Variants in AKAP13 observed in about 807,000 individuals in gnomAD.
AKAP13 encodes A-kinase anchor protein 13.
AKAP13 carries 80 observed loss-of-function variants against 264.5 expected under a neutral mutation model. The observed-to-expected ratio is 0.30, with a 90% CI of 0.25 to 0.36. The LOEUF (loss-of-function observed/expected upper bound fraction) is 0.36, where lower values mean the gene tolerates loss of function less well. Ranked by LOEUF, AKAP13 falls within the 10% of genes least tolerant of loss-of-function variation. AKAP13 has a pLI of 1.00. For missense variants in AKAP13, 3,712 were observed against 3,435.2 expected (o/e 1.08, Z -2.01); for synonymous variants, 1,380 against 1,250.2 (o/e 1.10, Z -2.19).
At chr15:85,662,749 C>T (rs2083416883) in intron 12 of AKAP13, among the ~76,000 whole-genome samples, 1 of 152,162 alleles carries the variant, frequency 6.6e-6, no homozygotes, top group Admixed American at 6.5e-5. Flanking sequence ...CCTAAAAATT[C>T]TTGGAACCCG....
intron 5 of AKAP13, among the ~76,000 whole-genome samples, chr15:85,554,562 A>G (rs920059734): frequency 1.3e-5 from 2 of 151,988 alleles, no homozygotes; most frequent in Non-Finnish European, 2.9e-5. Context: ...CACTTACCCC[A>G]CAAGCAGGCT....
At chr15:85,723,714 T>G (rs1370294500) in intron 26 of AKAP13, among the ~76,000 whole-genome samples, 1 of 152,234 alleles carries the variant, frequency 6.6e-6, no homozygotes, top group Non-Finnish European at 1.5e-5. Flanking sequence ...TCAGCGAGTT[T>G]CACAGAATCT....
intron 10 of AKAP13, among the ~76,000 whole-genome samples, chr15:85,654,459 C>G (rs890056111): frequency 6.6e-6 from 1 of 152,090 alleles, no homozygotes; most frequent in East Asian, 1.9e-4. Context: ...AACCCAGAGA[C>G]AGATGGATTC....
intron 2 of AKAP13, among the ~76,000 whole-genome samples, chr15:85,504,919 CT>C (rs1459104839): frequency 5.3e-5 from 8 of 152,024 alleles, no homozygotes; most frequent in Middle Eastern, 3.4e-3. Flanking sequence ...CCCTCTCCCC[CT>C]CTCCCCCTCT....
chr15:85,504,308 G>C (rs116635839), intron 2 of AKAP13, among the ~76,000 whole-genome samples: 1,556 of 151,886 alleles, frequency 0.01, 15 homozygotes, highest in African/African-American at 0.035. Context: ...AAGGAGCGAG[G>C]AATGAGGAGC....
intron 26 of AKAP13, among the ~76,000 whole-genome samples, chr15:85,723,557 T>C (rs1036650567): frequency 1.2e-4 from 18 of 151,666 alleles, no homozygotes; most frequent in Non-Finnish European, 2.5e-4. Flanking sequence ...TCAGGGAAAA[T>C]GGAAAATAAG....
In AKAP13 at chr15:85,580,423, C is replaced by G. The variant is rs192631225; in HGVS notation, c.2355C>G (p.Phe785Leu). The G allele has an allele frequency of 5.1e-5, 83 of 1,614,248 alleles. 1 individual carries two copies. In the East Asian group the frequency reaches 1.6e-3, roughly 31 times the overall value. The part of the protein sequence containing the change: ...PDQAVISDST[F>L]SLANSPGSES... ...AGGCAGTAATATCAGACAGTACTTT[C>G]TCTCTGGCAAACAGTCCAGGCAGTG... Residue 785 changes from phenylalanine to leucine, a missense_variant, in exon 7 of 37, where the codon TTC becomes TTG. Transcript: ENST00000394518.
At chr15:85,677,004 G>T (rs1597020436) in intron 14 of AKAP13, 1 of 985,460 alleles carries the variant, frequency 1.0e-6, no homozygotes, top group African/African-American at 1.7e-5. Flanking sequence ...CAGCAAGGCG[G>T]ATCTCCATCA....
In AKAP13 at chr15:85,747,673, T is replaced by C. The variant is rs1355447719; in HGVS notation, c.*2996T>C. The C allele has an allele frequency of 6.6e-6, 1 of 152,660 alleles. No homozygotes were observed. Among genetic ancestry groups the C allele is most frequent in the African/African-American group, 2.4e-5 (1 of 41,454 alleles). The allele number at this position is 152,660 out of a possible 1,614,324, so 9.5% of individuals were successfully genotyped here. On this transcript the variant is annotated 3_prime_UTR_variant, in exon 37 of 37. Transcript: ENST00000394518. ...TTCATTTTCAAGACAATCAAATGTA[T>C]TGACTGTGTTTTCTTCTTAGAAAAT...
At chr15:85,551,883 C>G (rs1164702207) in intron 5 of AKAP13, among the ~76,000 whole-genome samples, 2 of 152,148 alleles carry the variant, frequency 1.3e-5, no homozygotes, top group Non-Finnish European at 2.9e-5. Flanking sequence ...GTGATTTTTA[C>G]TTGGTCAATT....
chr15:85,402,203 G>T (rs2071456332), intron 1 of AKAP13, among the ~76,000 whole-genome samples: 1 of 152,188 alleles, frequency 6.6e-6, no homozygotes, highest in Non-Finnish European at 1.5e-5. Flanking sequence ...TGAGATTGGG[G>T]AGGGCATGAA....
intron 8 of AKAP13, among the ~76,000 whole-genome samples, chr15:85,595,155 A>C (rs898234777): frequency 4.6e-5 from 7 of 152,090 alleles, no homozygotes; most frequent in African/African-American, 1.7e-4. Context: ...GTTGGAGTGC[A>C]GTGGCGTGAT....
intron 8 of AKAP13, among the ~76,000 whole-genome samples, chr15:85,591,552 C>A (rs1415426233): frequency 6.6e-6 from 1 of 152,024 alleles, no homozygotes; most frequent in Non-Finnish European, 1.5e-5. Context: ...ATTTTTTAGA[C>A]CTGCCTTTTA....
chr15:85,718,960 C>A lies in AKAP13; in HGVS notation c.6002-116C>A. On this transcript the variant is annotated intron_variant, in intron 22 of 36. Coordinates refer to ENST00000394518, the MANE Select transcript of AKAP13 (RefSeq NM_007200.5). The surrounding 1 kb of genome is among the most constrained non-coding windows in gnomAD (Gnocchi z 4.9). ...TTTAGGGGAAAGATAGCTGTTGACC[C>A]AATTTTAAGGTTCAAATTGGGCTCT... The A allele has an allele frequency of 7.0e-7, 1 of 1,431,024 alleles. No homozygotes were observed. The highest frequency in any genetic ancestry group is 9.4e-7 in the Non-Finnish European group (1 of 1,065,290). The allele number at this position is 1,431,024 out of a possible 1,614,324, so 88.6% of individuals were successfully genotyped here. A position where few individuals can be genotyped will look rare whatever the true frequency, so the allele number is the denominator to read the frequency against.
intron 8 of AKAP13, among the ~76,000 whole-genome samples, chr15:85,617,283 T>A (rs1438806634): frequency 1.3e-5 from 2 of 152,216 alleles, no homozygotes; most frequent in Non-Finnish European, 2.9e-5. Flanking sequence ...CTTGCTCTGT[T>A]GCCAGGCTCG....
In AKAP13 at chr15:85,579,017, T is replaced by C. The variant is rs781421565; in HGVS notation, c.949T>C (p.Phe317Leu). Reference sequence around the variant, plus strand: ...CAGTGCCCCAGAGACAGATGGCCAGTTTCTTCCCTGTGCACCGGAGCCCAC... The same window carrying C: ...CAGTGCCCCAGAGACAGATGGCCAGCTTCTTCCCTGTGCACCGGAGCCCAC... ...PSSAPETDGQ[F>L]LPCAPEPTDP... Residue 317 changes from phenylalanine to leucine, a missense_variant, in exon 7 of 37, where the codon TTT (phenylalanine) becomes CTT (leucine). By Grantham distance (22) the Phe-to-Leu change is conservative. Coordinates refer to ENST00000394518, the MANE Select transcript of AKAP13 (RefSeq NM_007200.5). 1.1e-5 allele frequency: 18 copies of C among 1,613,874 alleles called. No homozygotes were observed. The highest frequency in any genetic ancestry group is 1.5e-5 in the Non-Finnish European group (18 of 1,180,014).
intron 1 of AKAP13, among the ~76,000 whole-genome samples, chr15:85,481,451 T>A (rs1305196325): frequency 6.6e-6 from 1 of 152,214 alleles, no homozygotes; most frequent in African/African-American, 2.4e-5. Context: ...AATTTATAAA[T>A]TGAGATAGTT....
chr15:85,651,269 C>T (rs866153270), intron 10 of AKAP13, among the ~76,000 whole-genome samples: 30 of 152,224 alleles, frequency 2.0e-4, no homozygotes, highest in African/African-American at 6.7e-4. Context: ...AGTGAACACC[C>T]GTATACCCAC....
intron 1 of AKAP13, among the ~76,000 whole-genome samples, chr15:85,428,001 C>T (rs1389507421): frequency 6.6e-6 from 1 of 152,156 alleles, no homozygotes; most frequent in Non-Finnish European, 1.5e-5. Context: ...ACTTACACTC[C>T]TGAGAACTAT....
Sources: allele counts gnomAD v4.1 joint callset (sites outside exome capture counted in the v4.1 genomes callset), GRCh38; gene constraint gnomAD v4.1.1; non-coding constraint Gnocchi (gnomAD v3.1); transcripts MANE v1.5; gene names NCBI Gene and HGNC (gene_info 2026-07-23, HGNC 2026-07-21).